The following CFAP47 variants were observed in gnomAD, a reference collection of about 807,000 sequenced individuals.
CFAP47 encodes cilia- and flagella-associated protein 47.
A neutral mutation model predicts 148.1 loss-of-function variants in CFAP47; 29 were observed. The ratio of observed to expected loss-of-function variants is 0.20; its 90% CI spans 0.15 to 0.27. The LOEUF is 0.27. Ranked by LOEUF, CFAP47 falls within the 10% of genes least tolerant of loss-of-function variation. The probability of loss-of-function intolerance (pLI) is 1.00; values close to 1 mark genes in which losing one functional copy is unlikely to be tolerated. For synonymous variants in CFAP47, 664 were observed against 577.3 expected, an observed-to-expected ratio of 1.15 and a Z score of -2.15; for missense variants, 1,872 against 1,697.5, an observed-to-expected ratio of 1.10 and a Z score of -1.81.
intron 61 of CFAP47, among the ~76,000 whole-genome samples, chrX:36,364,887 A>T (rs1272730224): frequency 1.1e-5 from 1 of 92,714 alleles, no homozygotes; most frequent in Non-Finnish European, 2.1e-5. Context: ...GTAACTTAAC[A>T]GTTATATTTT....
Position 36,250,267 on chromosome X carries a change from A to G in CFAP47, c.7333-1066A>G, listed in dbSNP as rs143119013. ...GGAAATCCTGTCATTTGTGACATGG[A>G]TGAACCTGGAAGCCATTATGTTGAG... On this transcript the variant is annotated intron_variant, in intron 48 of 63. Transcript: ENST00000378653. Among the ~76,000 whole-genome samples, 84 of 111,516 alleles carry G rather than the reference A, an allele frequency of 7.5e-4. 2 individuals are homozygous for G. In the East Asian group the frequency reaches 0.021, roughly 28 times the overall value.
chrX:36,004,754 T>A (rs1479725862), intron 21 of CFAP47, among the ~76,000 whole-genome samples: 3 of 110,505 alleles, frequency 2.7e-5, no homozygotes, highest in African/African-American at 9.9e-5. Flanking sequence ...CAAATTGTCA[T>A]GAAGAAGCTC....
At chrX:35,956,954 G>A (rs1425433739) in intron 8 of CFAP47, among the ~76,000 whole-genome samples, 1 of 111,086 alleles carries the variant, frequency 9.0e-6, no homozygotes, top group Non-Finnish European at 1.9e-5. Context: ...GCTCACACCT[G>A]TAATCCCAGT....
At chrX:36,029,580 T>C (rs905488456) in intron 22 of CFAP47, among the ~76,000 whole-genome samples, 1 of 110,918 alleles carries the variant, frequency 9.0e-6, no homozygotes, top group Non-Finnish European at 1.9e-5. Flanking sequence ...TTCACTATTG[T>C]GTTCCATTTT....
rs769528142 is a variant in CFAP47, at chrX:36,054,407, TAAA to T, written c.4217+7347_4217+7349del. 2.7e-5 allele frequency among the ~76,000 whole-genome samples: 3 copies of T among 112,426 alleles called. No homozygotes were observed. In the East Asian group the frequency reaches 8.4e-4, roughly 32 times the overall value. On this transcript the variant is annotated intron_variant, in intron 26 of 63. Transcript: ENST00000378653. ...AAATCAAAATGCATTTACTTCATGTTAAAAAGAAAAGAATAATGTGTACAATTA... is the reference window on the plus strand; with the variant it reads ...AAATCAAAATGCATTTACTTCATGTTAAGAAAAGAATAATGTGTACAATTA...
chrX:36,249,972 G>A (rs1940671125), intron 48 of CFAP47, among the ~76,000 whole-genome samples: 1 of 111,231 alleles, frequency 9.0e-6, no homozygotes, highest in African/African-American at 3.3e-5. Context: ...TGGTGGGAGT[G>A]TAAATTAGTA....
In CFAP47 at chrX:35,919,953, A is replaced by G; in HGVS notation, c.154A>G (p.Thr52Ala). ...CCCGGCTGAGGTGAAGTTCCTGGAC[A>G]CGATGGCCGGGAGGGTGTACCGCCT... ...VIPAEVKFLD[T>A]MAGRVYRLPI... is the part of the protein sequence containing the mutation. Residue 52 changes from threonine (T) to alanine (A), a missense_variant, in exon 1 of 64, where the codon ACG (threonine) becomes GCG (alanine). Transcript: ENST00000378653. 1 of 1,211,197 alleles carries G rather than the reference A, an allele frequency of 8.3e-7. No individual in the cohort carries two copies. Among genetic ancestry groups the G allele is most frequent in the Non-Finnish European group, 1.1e-6 (1 of 895,243 alleles).
rs781880900 is a variant in CFAP47, at chrX:36,260,076, GGT to G, written c.7444+8649_7444+8650del. Among the ~76,000 whole-genome samples, 229 of 83,994 alleles carry G rather than the reference GGT, an allele frequency of 2.7e-3. 1 individual carries two copies. The highest frequency in any genetic ancestry group is 0.017 in the African/African-American group (209 of 12,615). The allele number at this position is 83,994 out of a possible 115,157, so 72.9% of individuals were successfully genotyped here. A position where few individuals can be genotyped will look rare whatever the true frequency, so the allele number is the denominator to read the frequency against. ...TTTTTATGGCTACATAGTGTTCCAT[GGT>G]GTGTGTGTGTGTGTGTATGTTTGTG... On this transcript the variant is annotated intron_variant, in intron 49 of 63. Transcript: ENST00000378653.
intron 57 of CFAP47, among the ~76,000 whole-genome samples, chrX:36,341,156 T>A (rs889178387): frequency 1.9e-5 from 2 of 107,783 alleles, no homozygotes; most frequent in Non-Finnish European, 3.8e-5. Context: ...CTGCCTCAGC[T>A]TCCCGAGTAG....
intron 43 of CFAP47, among the ~76,000 whole-genome samples, chrX:36,200,834 T>G (rs1338137750): frequency 1.8e-5 from 2 of 111,889 alleles, no homozygotes; most frequent in African/African-American, 6.5e-5. Context: ...TAACCTGGAA[T>G]TTTACCCTGG....
At chrX:35,969,009 A>C (rs1461676241) in intron 10 of CFAP47, among the ~76,000 whole-genome samples, 1 of 110,071 alleles carries the variant, frequency 9.1e-6, no homozygotes, top group South Asian at 3.8e-4. Context: ...ATATGTATAT[A>C]TCTATATATG....
At chrX:36,362,854 C>A (rs782277747) in intron 61 of CFAP47, among the ~76,000 whole-genome samples, 4 of 111,618 alleles carry the variant, frequency 3.6e-5, no homozygotes, top group Non-Finnish European at 7.5e-5. Context: ...AGAAAGTATA[C>A]CATACATATT....
chrX:35,961,327 C>T lies in CFAP47; in HGVS notation c.1410+5131C>T, dbSNP rs145086470. On this transcript the variant is annotated intron_variant, in intron 8 of 63. Transcript: ENST00000378653. ...TTTGATTTTGGCATCAGAATAAAAC[C>T]GGTGCCACAGAATGAATTGAGAATA... is the stretch of plus-strand genomic sequence containing the variant. 5.8e-3 allele frequency among the ~76,000 whole-genome samples: 642 copies of T among 111,130 alleles called. 7 individuals are homozygous for T. Among genetic ancestry groups the T allele is most frequent in the African/African-American group, 0.02 (612 of 30,662 alleles).
chrX:36,236,609 G>C, intron 47 of CFAP47, 77 bp from the exon 48 acceptor site: 1 of 435,250 alleles, frequency 2.3e-6, no homozygotes, highest in Non-Finnish European at 4.0e-6. Context: ...TCAGACACAA[G>C]AAGAATAAGA....
At chrX:35,991,068 T>C (rs1256904635) in intron 16 of CFAP47, among the ~76,000 whole-genome samples, 1 of 111,879 alleles carries the variant, frequency 8.9e-6, no homozygotes, top group African/African-American at 3.2e-5. Context: ...TATTTATACA[T>C]GTTTTGTGGA....
chrX:36,170,928 T>A (rs1156672201), intron 39 of CFAP47, among the ~76,000 whole-genome samples: 1 of 108,337 alleles, frequency 9.2e-6, no homozygotes, highest in East Asian at 2.9e-4. Flanking sequence ...GTAAAAGTGT[T>A]CCTATTTCTC....
chrX:36,224,072 T>G (rs1443238059), intron 45 of CFAP47, among the ~76,000 whole-genome samples: 1 of 111,494 alleles, frequency 9.0e-6, no homozygotes, highest in Non-Finnish European at 1.9e-5. Flanking sequence ...GGGAGGATAT[T>G]AAAATAATGC....
intron 51 of CFAP47, among the ~76,000 whole-genome samples, chrX:36,292,358 C>A (rs192331782): frequency 8.9e-6 from 1 of 111,909 alleles, no homozygotes; most frequent in Non-Finnish European, 1.9e-5. Flanking sequence ...TTATAATGAT[C>A]ACTTCCTCTC....
intron 59 of CFAP47, among the ~76,000 whole-genome samples, chrX:36,352,828 A>G (rs1394966714): frequency 9.1e-6 from 1 of 109,464 alleles, no homozygotes; most frequent in African/African-American, 3.3e-5. Flanking sequence ...AATTTAATAC[A>G]TATGAAATAT....
Sources: allele counts gnomAD v4.1 joint callset (sites outside exome capture counted in the v4.1 genomes callset), GRCh38; gene constraint gnomAD v4.1.1; transcripts MANE v1.5; gene names NCBI Gene and HGNC (gene_info 2026-07-23, HGNC 2026-07-21).